The following PADI6 variants were observed in gnomAD, a reference collection of about 807,000 sequenced individuals.
The protein encoded by PADI6 is inactive protein-arginine deiminase type-6.
In PADI6, 66 loss-of-function variants were observed where a neutral mutation model predicts 78.2. The observed-to-expected ratio is 0.84, with a 90% CI of 0.69 to 1.04. The LOEUF (loss-of-function observed/expected upper bound fraction) is 1.04. PADI6 is among the 50% of genes least tolerant of loss of function. The pLI, the probability that PADI6 is intolerant of heterozygous loss-of-function variation, is 0.00. For missense variants in PADI6, 854 were observed against 866.1 expected (o/e 0.99, Z 0.18); for synonymous variants, 397 against 346.9 (o/e 1.14, Z -1.60).
intron 4 of PADI6, among the ~76,000 whole-genome samples, 183 bp from the exon 5 acceptor site, chr1:17,380,864 C>T (rs891052881): frequency 6.6e-6 from 1 of 152,170 alleles, no homozygotes; most frequent in African/African-American, 2.4e-5. Flanking sequence ...TTCCCTTCCT[C>T]TTAGCCTCCT....
chr1:17,394,004 T>C lies in PADI6; in HGVS notation c.1104T>C (p.Ala368=). ...AGATGGCCTTCTGCTACACCCAGGC[T>C]CCCCACAAGACAACGTCCTTGATCC... is the stretch of plus-strand genomic sequence containing the variant. ...QDEMAFCYTQ[A]PHKTTSLILD... Residue 368 remains alanine (A), a synonymous_variant, in exon 10 of 16, where the codon GCT becomes GCC. Transcript: ENST00000619609. 1 of 1,613,606 alleles carries C rather than the reference T, an allele frequency of 6.2e-7. No individual in the cohort carries two copies. Among genetic ancestry groups the C allele is most frequent in the Non-Finnish European group, 8.5e-7 (1 of 1,179,822 alleles).
At chr1:17,391,647 A>T (rs2800689) in intron 8 of PADI6, among the ~76,000 whole-genome samples, 1 of 151,896 alleles carries the variant, frequency 6.6e-6, no homozygotes, top group South Asian at 2.1e-4. Flanking sequence ...AGACCCACCC[A>T]ACGCCACACA....
rs745414523 is a variant in PADI6 at position 17,394,038 on chromosome 1, C to T, written c.1138C>T (p.Pro380Ser). 8.7e-6 allele frequency: 14 copies of T among 1,613,952 alleles called. No individual in the cohort carries two copies. The highest frequency in any genetic ancestry group is 1.2e-5 in the Non-Finnish European group (14 of 1,179,878). The change falls in exon 10 of 16, where the codon CCT (proline) becomes TCT (serine). Residue 380 changes from proline (P) to serine (S), a missense_variant. Pro to Ser is a moderately conservative substitution (Grantham distance 74, BLOSUM62 -1). Coordinates refer to ENST00000619609, the MANE Select transcript of PADI6 (RefSeq NM_207421.4). Reference protein sequence around the residue: ...HKTTSLILDTPQAADLDEFPM... With the variant: ...HKTTSLILDTSQAADLDEFPM... ...GACAACGTCCTTGATCCTCGACACA[C>T]CTCAGGCCGCCGATCTCGATGAGTT... is the stretch of plus-strand genomic sequence containing the variant.
chr1:17,395,357 C>T (rs774625997), intron 12 of PADI6, among the ~76,000 whole-genome samples, 183 bp from the exon 13 acceptor site: 7 of 152,130 alleles, frequency 4.6e-5, no homozygotes, highest in Non-Finnish European at 8.8e-5. Context: ...AAACATGCCA[C>T]CACACCTGGC....
chr1:17,390,018 G>A (rs113569184), intron 8 of PADI6, among the ~76,000 whole-genome samples: 243 of 152,326 alleles, frequency 1.6e-3, no homozygotes, highest in African/African-American at 5.6e-3. Flanking sequence ...AGGAAAAGGT[G>A]GCCAGTGTGG....
chr1:17,376,498 T>C (rs923477013), intron 3 of PADI6, among the ~76,000 whole-genome samples: 1 of 150,958 alleles, frequency 6.6e-6, no homozygotes, highest in Non-Finnish European at 1.5e-5. Context: ...CTAATTTTTT[T>C]TATTTTTAGT....
chr1:17,385,275 A>T lies in PADI6; in HGVS notation c.680-3106A>T, dbSNP rs531868582. On this transcript the variant is annotated intron_variant, in intron 6 of 15. Coordinates refer to ENST00000619609, the MANE Select transcript of PADI6 (RefSeq NM_207421.4). ...TTTTGGTGTGATGGTTTTCTCCAGC[A>T]TCTCAGGTGCAAGAGTGAGCTTTAA... Among the ~76,000 whole-genome samples, 785 of 152,332 alleles carry T rather than the reference A, an allele frequency of 5.2e-3. 5 individuals are homozygous for T. The highest frequency in any genetic ancestry group is 0.018 in the African/African-American group (734 of 41,576).
Position 17,393,186 on chromosome 1 carries a change from A to G in PADI6, c.1075-789A>G, listed in dbSNP as rs908973311. Among the ~76,000 whole-genome samples, 71 of 148,928 alleles carry G rather than the reference A, an allele frequency of 4.8e-4. 1 individual carries two copies. Among genetic ancestry groups the G allele is most frequent in the Middle Eastern group, 3.5e-3 (1 of 288 alleles). ...CTGGGGTTGTGCTTGGAGGTCTTGA[A>G]GAAGGCTGATGCAGACAGATCACAG... is the stretch of plus-strand genomic sequence containing the variant. On this transcript the variant is annotated intron_variant, in intron 9 of 15. Transcript: ENST00000619609.
At position 17,395,154 on chromosome 1, in the gene PADI6, T is replaced by A. The variant is rs2075233270; in HGVS notation, c.1494+47T>A. ...AGGGACATCTGACCCTTGCCTTCTG[T>A]TGGGGAATCTTGGAAGATTCTGGAG... On this transcript the variant is annotated intron_variant, in intron 12 of 15. Coordinates refer to ENST00000619609, the MANE Select transcript of PADI6 (RefSeq NM_207421.4). 3 of 1,556,636 alleles carry A rather than the reference T, an allele frequency of 1.9e-6. No individual in the cohort carries two copies. In the East Asian group the frequency reaches 6.8e-5, roughly 35 times the overall value.
At chr1:17,388,988 A>G (rs1373103063) in intron 8 of PADI6, 108 bp downstream of exon 8, 2 of 826,096 alleles carry the variant, frequency 2.4e-6, no homozygotes. Context: ...TCTCACCAGG[A>G]GAGTTGAAAC....
intron 3 of PADI6, among the ~76,000 whole-genome samples, chr1:17,377,761 T>C (rs990507820): frequency 6.6e-6 from 1 of 152,132 alleles, no homozygotes; most frequent in Non-Finnish European, 1.5e-5. Flanking sequence ...CCCCATCCTC[T>C]CACCTGGGTC....
chr1:17,394,507 C>T, intron 11 of PADI6, 53 bp downstream of exon 11: 4 of 1,567,830 alleles, frequency 2.6e-6, no homozygotes, highest in Non-Finnish European at 2.6e-6. Context: ...CATGGTCGTT[C>T]CCCTGGCCCC....
rs117561476 is a variant in PADI6 at position 17,395,750 on chromosome 1, C to T, written c.1618+87C>T. ...TACATAGCCATTCTGTCACGCTTGG[C>T]GTAAAGGATGCCAGGGAAGCACAGA... On this transcript the variant is annotated intron_variant, in intron 13 of 15. Coordinates refer to ENST00000619609, the MANE Select transcript of PADI6 (RefSeq NM_207421.4). 216 of 1,458,470 alleles carry T rather than the reference C, an allele frequency of 1.5e-4. No individual in the cohort carries two copies. In the East Asian group the frequency reaches 4.6e-3, roughly 31 times the overall value. The allele number at this position is 1,458,470 out of a possible 1,614,324, so 90.3% of individuals were successfully genotyped here.
chr1:17,400,680 T>C (rs2075293248), intron 15 of PADI6, among the ~76,000 whole-genome samples: 1 of 152,120 alleles, frequency 6.6e-6, no homozygotes, highest in Admixed American at 6.5e-5. Flanking sequence ...TATATAGGTG[T>C]GTAAAATGAA....
At chr1:17,398,649 C>CCCCTG in intron 14 of PADI6, 37 bp from the exon 15 acceptor site, 1 of 91,312 alleles carries the variant, frequency 1.1e-5, no homozygotes, top group South Asian at 2.2e-4. Flanking sequence ...TCTCCTTGCT[C>CCCCTG]CCCCGCCCCC....
chr1:17,373,033 G>C (rs758520557), intron 1 of PADI6, 23 bp from the exon 2 acceptor site: 5 of 1,609,188 alleles, frequency 3.1e-6, no homozygotes, highest in Admixed American at 3.3e-5. Context: ...GCCCTGACGC[G>C]TGTCTCTTAC....
chr1:17,387,971 A>AT (rs2075137594), intron 6 of PADI6, among the ~76,000 whole-genome samples: 3 of 152,182 alleles, frequency 2.0e-5, no homozygotes, highest in East Asian at 1.9e-4. Flanking sequence ...TCAGTAAGTG[A>AT]TTTTTTTCAG....
intron 6 of PADI6, among the ~76,000 whole-genome samples, chr1:17,386,386 AGACT>A (rs2100304124): frequency 6.6e-6 from 1 of 152,330 alleles, no homozygotes; most frequent in South Asian, 2.1e-4. Context: ...TGTGGCAAAC[AGACT>A]GTGACCCTCT....
At position 17,372,255 on chromosome 1, in the gene PADI6, G is replaced by A. The variant is rs200173579; in HGVS notation, c.10G>A (p.Val4Met). 251 of 1,613,934 alleles carry A rather than the reference G, an allele frequency of 1.6e-4. No homozygotes were observed. The African/African-American group carries it at 2.9e-3, about 19-fold the overall frequency. Reference sequence around the variant, plus strand: ...CGGTGCAGGCCTGAGGATGGTCAGCGTGGAGGGCCGAGCCATGTCCTTCCA... The same window carrying A: ...CGGTGCAGGCCTGAGGATGGTCAGCATGGAGGGCCGAGCCATGTCCTTCCA... MVS[V>M]EGRAMSFQSI... is the part of the protein sequence containing the mutation. The change falls in exon 1 of 16, where the codon GTG becomes ATG. Residue 4 changes from valine (V) to methionine (M), a missense_variant. By Grantham distance (21) the Val-to-Met change is conservative. Coordinates refer to ENST00000619609, the MANE Select transcript of PADI6 (RefSeq NM_207421.4).
Sources: gnomAD v4.1 joint callset for allele counts (sites outside exome capture counted in the v4.1 genomes callset) on GRCh38, gnomAD v4.1.1 for gene constraint, MANE v1.5 for transcripts, NCBI Gene and HGNC (gene_info 2026-07-23, HGNC 2026-07-21) for gene names.